SMURF1: variants seen among roughly 807,000 people sequenced by gnomAD.
SMURF1 encodes the protein E3 ubiquitin-protein ligase SMURF1.
Under a neutral mutation model 98.0 loss-of-function variants are expected in SMURF1, and 44 were observed. The observed-to-expected ratio is 0.45, with a 90% CI of 0.35 to 0.58. The LOEUF is 0.58. Ranked by LOEUF, SMURF1 falls within the 20% of genes least tolerant of loss-of-function variation. The pLI is 0.00. For synonymous variants in SMURF1, 396 were observed against 374.9 expected (o/e 1.06, Z -0.65); for missense variants, 687 against 938.4 (o/e 0.73, Z 3.50).
Position 99,076,867 on chromosome 7 carries a change from G to A in SMURF1, c.56-15030C>T, listed in dbSNP as rs139182829. On this transcript the variant is annotated intron_variant, in intron 1 of 17. Coordinates refer to ENST00000361368, the MANE Select transcript of SMURF1 (RefSeq NM_181349.3). ...TGTGTGTGCACGTGCATGTGTGTGC[G>A]TGTGCCTGCATGTGTGTGCACGTGT... Among the ~76,000 whole-genome samples, 227 of 152,132 alleles carry A rather than the reference G, an allele frequency of 1.5e-3. 3 individuals are homozygous for A. In the South Asian group the frequency reaches 0.018, roughly 12 times the overall value.
At chr7:99,068,293 T>C (rs1433333828) in intron 1 of SMURF1, among the ~76,000 whole-genome samples, 1 of 152,196 alleles carries the variant, frequency 6.6e-6, no homozygotes, top group African/African-American at 2.4e-5. Flanking sequence ...ACTACATCAA[T>C]CTTTTTTGTA....
intron 12 of SMURF1, 27 bp downstream of exon 12, chr7:99,042,091 C>T (rs760240986): frequency 1.3e-6 from 2 of 1,554,556 alleles, no homozygotes; most frequent in South Asian, 1.1e-5. Context: ...AACTCAATTC[C>T]CTACCTCTTT....
chr7:99,100,957 A>G (rs532740903), intron 1 of SMURF1, among the ~76,000 whole-genome samples: 1 of 152,350 alleles, frequency 6.6e-6, no homozygotes, highest in African/African-American at 2.4e-5. Context: ...AACACTATAC[A>G]TAATGAAGTG....
At chr7:99,109,272 C>T (rs1242418064) in intron 1 of SMURF1, among the ~76,000 whole-genome samples, 2 of 152,200 alleles carry the variant, frequency 1.3e-5, no homozygotes, top group Non-Finnish European at 2.9e-5. Flanking sequence ...CCTCGCCACA[C>T]CCCCTCACAG....
At chr7:99,096,642 C>T (rs1022684034) in intron 1 of SMURF1, among the ~76,000 whole-genome samples, 1 of 152,076 alleles carries the variant, frequency 6.6e-6, no homozygotes, top group African/African-American at 2.4e-5. Context: ...TTGTACCTAA[C>T]AATAGAGCAT....
At chr7:99,136,813 G>C (rs1190264132) in intron 1 of SMURF1, among the ~76,000 whole-genome samples, 4 of 152,092 alleles carry the variant, frequency 2.6e-5, no homozygotes, top group Non-Finnish European at 4.4e-5. Flanking sequence ...AGCCAGCCGT[G>C]GTGGCACATG....
At chr7:99,046,200 G>GA (rs1795568224) in intron 10 of SMURF1, among the ~76,000 whole-genome samples, 1 of 152,098 alleles carries the variant, frequency 6.6e-6, no homozygotes, top group Non-Finnish European at 1.5e-5. Flanking sequence ...AGAGTTCTGA[G>GA]CCTCTCTTTA....
rs551397851 is a variant in SMURF1, at chr7:99,129,950, G to T, written c.55+13776C>A. 3.9e-5 allele frequency among the ~76,000 whole-genome samples: 6 copies of T among 152,226 alleles called. No homozygotes were observed. In the East Asian group the frequency reaches 9.6e-4, roughly 24 times the overall value. Reference sequence around the variant, plus strand: ...TATCAAGAACAGACATTAATTCAAAGAATTTATTATAGGGTAGGGCTGATA... The same window carrying T: ...TATCAAGAACAGACATTAATTCAAATAATTTATTATAGGGTAGGGCTGATA... On this transcript the variant is annotated intron_variant, in intron 1 of 17. Coordinates refer to ENST00000361368, the MANE Select transcript of SMURF1 (RefSeq NM_181349.3).
intron 1 of SMURF1, among the ~76,000 whole-genome samples, chr7:99,077,197 AATG>A (rs973941083): frequency 6.6e-6 from 1 of 151,984 alleles, no homozygotes. Context: ...TTCTGCAAAG[AATG>A]ATGATATGAA....
chr7:99,122,596 A>G (rs1437176476), intron 1 of SMURF1, among the ~76,000 whole-genome samples: 1 of 149,916 alleles, frequency 6.7e-6, no homozygotes, highest in Non-Finnish European at 1.5e-5. Flanking sequence ...GTGAGTCAAG[A>G]TGGCACCATT....
chr7:99,083,320 A>G (rs1479876933), intron 1 of SMURF1, among the ~76,000 whole-genome samples: 2 of 152,248 alleles, frequency 1.3e-5, no homozygotes, highest in Admixed American at 1.3e-4. Flanking sequence ...TCCGTATGAA[A>G]AAAGTTCCAC....
At chr7:99,050,723 G>A in intron 8 of SMURF1, 1 of 543,288 alleles carries the variant, frequency 1.8e-6, no homozygotes, top group Non-Finnish European at 3.3e-6. Flanking sequence ...TAGGTACTGA[G>A]TCATACATTA....
chr7:99,138,029 G>A (rs1408589601), intron 1 of SMURF1, among the ~76,000 whole-genome samples: 1 of 151,942 alleles, frequency 6.6e-6, no homozygotes, highest in Non-Finnish European at 1.5e-5. Context: ...TGGACAAGAA[G>A]CTAATTTAAG....
At chr7:99,069,409 A>G (rs1185554244) in intron 1 of SMURF1, among the ~76,000 whole-genome samples, 1 of 152,150 alleles carries the variant, frequency 6.6e-6, no homozygotes, top group East Asian at 1.9e-4. Flanking sequence ...CCCAGGCTAG[A>G]ATGCAGTGGC....
At chr7:99,083,445 A>G (rs960489478) in intron 1 of SMURF1, among the ~76,000 whole-genome samples, 5 of 152,206 alleles carry the variant, frequency 3.3e-5, no homozygotes, top group African/African-American at 1.2e-4. Flanking sequence ...ACAATATTAA[A>G]CTAGGAGAAG....
intron 7 of SMURF1, 71 bp from the exon 8 acceptor site, chr7:99,051,512 G>A: frequency 1.7e-6 from 2 of 1,157,828 alleles, no homozygotes; most frequent in Non-Finnish European, 2.6e-6. Context: ...AACCCTCGAT[G>A]CCCTCACGTC....
chr7:99,119,163 G>A (rs1169302845), intron 1 of SMURF1, among the ~76,000 whole-genome samples: 2 of 151,878 alleles, frequency 1.3e-5, no homozygotes, highest in Non-Finnish European at 2.9e-5. Context: ...AAAGGGGGAT[G>A]GGGAGGTAGA....
intron 3 of SMURF1, among the ~76,000 whole-genome samples, chr7:99,058,239 C>A (rs961794838): frequency 1.3e-5 from 2 of 152,028 alleles, no homozygotes; most frequent in South Asian, 4.1e-4. Context: ...AAGGAATTCT[C>A]CTGCCTCAGC....
rs1254743639 is a variant in SMURF1, at chr7:99,051,389, T to C, written c.774A>G (p.Gly258=). 6.2e-7 allele frequency: 1 copy of C among 1,614,036 alleles called. No homozygotes were observed. The highest frequency in any genetic ancestry group is 1.3e-5 in the African/African-American group (1 of 74,912). The change falls in exon 8 of 18, where the codon GGA becomes GGG. Residue 258 remains glycine (G), a synonymous_variant. Coordinates refer to ENST00000361368, the MANE Select transcript of SMURF1 (RefSeq NM_181349.3). The stretch of plus-strand genomic sequence containing the variant: ...TCCTGGGGTCGTGCCACGTGCTAAC[T>C]CCAGTCTGTGTATGCAAAAAGTAAA... ...GQVYFLHTQT[G]VSTWHDPRIP...
Sources: gnomAD v4.1 joint callset for allele counts (sites outside exome capture counted in the v4.1 genomes callset) on GRCh38, gnomAD v4.1.1 for gene constraint, MANE v1.5 for transcripts, NCBI Gene and HGNC (gene_info 2026-07-23, HGNC 2026-07-21) for gene names.